Variants in MDGA2 observed in about 807,000 individuals in gnomAD.
The protein encoded by MDGA2 is MAM domain-containing glycosylphosphatidylinositol anchor protein 2.
Under a neutral mutation model 117.8 loss-of-function variants are expected in MDGA2, and 40 were observed. The ratio of observed to expected loss-of-function variants is 0.34; its 90% CI spans 0.26 to 0.44. The LOEUF (loss-of-function observed/expected upper bound fraction) is 0.44. MDGA2 is among the 20% of genes least tolerant of loss of function. MDGA2 has a pLI of 1.00. For missense variants in MDGA2, 1,123 were observed against 1,250.6 expected (o/e 0.90, Z 1.54); for synonymous variants, 452 against 439.0 (o/e 1.03, Z -0.37).
chr14:47,473,472 A>T (rs1297726654), intron 1 of MDGA2, among the ~76,000 whole-genome samples: 1 of 152,178 alleles, frequency 6.6e-6, no homozygotes, highest in Non-Finnish European at 1.5e-5. Context: ...TTAAAATGAA[A>T]TTTTTTAAAA....
At chr14:46,959,913 CTTT>C (rs1015216273) in intron 8 of MDGA2, among the ~76,000 whole-genome samples, 2 of 152,050 alleles carry the variant, frequency 1.3e-5, no homozygotes, top group Non-Finnish European at 2.9e-5. Context: ...TTTCAATCCT[CTTT>C]TTTTAATAAA....
intron 1 of MDGA2, among the ~76,000 whole-genome samples, chr14:47,624,567 A>G (rs991347721): frequency 6.6e-6 from 1 of 152,242 alleles, no homozygotes. Context: ...AAATAGAGCC[A>G]AAGGGTTGGT....
intron 1 of MDGA2, among the ~76,000 whole-genome samples, chr14:47,363,183 C>T (rs1891160242): frequency 6.6e-6 from 1 of 151,964 alleles, no homozygotes; most frequent in South Asian, 2.1e-4. Context: ...TATTAGACTT[C>T]CTAACTTATT....
intron 1 of MDGA2, among the ~76,000 whole-genome samples, chr14:47,590,246 G>A (rs893882779): frequency 6.6e-6 from 1 of 151,816 alleles, no homozygotes; most frequent in African/African-American, 2.4e-5. Context: ...AGAAGTAGTA[G>A]GAGCAGATAC....
At chr14:47,334,322 A>C (rs1890379002) in intron 1 of MDGA2, among the ~76,000 whole-genome samples, 1 of 151,900 alleles carries the variant, frequency 6.6e-6, no homozygotes. Context: ...TTTTCGTAGG[A>C]AATCTGCATT....
At chr14:47,445,514 AAG>A (rs1254601390) in intron 1 of MDGA2, among the ~76,000 whole-genome samples, 3 of 152,140 alleles carry the variant, frequency 2.0e-5, no homozygotes, top group Non-Finnish European at 4.4e-5. Flanking sequence ...AAATTGTAAC[AAG>A]AGAGTTTTAT....
intron 2 of MDGA2, among the ~76,000 whole-genome samples, chr14:47,221,794 A>G (rs1345855233): frequency 6.6e-6 from 1 of 151,772 alleles, no homozygotes; most frequent in Non-Finnish European, 1.5e-5. Flanking sequence ...ATAATTTAAA[A>G]TAAATATACA....
intron 1 of MDGA2, among the ~76,000 whole-genome samples, chr14:47,576,924 A>AT (rs1351565138): frequency 4.6e-5 from 7 of 151,842 alleles, no homozygotes; most frequent in African/African-American, 1.2e-4. Flanking sequence ...AATTTTGTTT[A>AT]TTTTTTTATA....
At chr14:47,377,671 A>G (rs1022156139) in intron 1 of MDGA2, among the ~76,000 whole-genome samples, 9 of 152,232 alleles carry the variant, frequency 5.9e-5, no homozygotes, top group African/African-American at 1.9e-4. Flanking sequence ...GGAGAGGGGC[A>G]TCTGTCATTG....
intron 8 of MDGA2, among the ~76,000 whole-genome samples, chr14:46,975,096 T>C (rs1157096439): frequency 6.6e-6 from 1 of 152,054 alleles, no homozygotes; most frequent in Non-Finnish European, 1.5e-5. Flanking sequence ...ATAAAGATGC[T>C]CAACATCACT....
At chr14:47,436,733 T>G (rs1186531487) in intron 1 of MDGA2, among the ~76,000 whole-genome samples, 1 of 152,070 alleles carries the variant, frequency 6.6e-6, no homozygotes, top group Non-Finnish European at 1.5e-5. Flanking sequence ...GTTTATGAAT[T>G]CATGTTGGGC....
intron 2 of MDGA2, among the ~76,000 whole-genome samples, chr14:47,251,938 T>C (rs1032835990): frequency 6.6e-6 from 1 of 151,784 alleles, no homozygotes; most frequent in Non-Finnish European, 1.5e-5. Flanking sequence ...CTTGTATTAT[T>C]ATTATTATTA....
intron 1 of MDGA2, among the ~76,000 whole-genome samples, chr14:47,629,459 G>C (rs1035490096): frequency 1.3e-5 from 2 of 152,182 alleles, no homozygotes; most frequent in African/African-American, 2.4e-5. Context: ...TGGAGGGCAG[G>C]CATGCCCTAT....
chr14:47,271,468 A>G (rs1345384247), intron 2 of MDGA2, among the ~76,000 whole-genome samples: 3 of 152,100 alleles, frequency 2.0e-5, no homozygotes, highest in Non-Finnish European at 4.4e-5. Flanking sequence ...GCAAATATTC[A>G]CTCTGCAGCA....
chr14:47,562,362 A>AGTTT (rs572610024), intron 1 of MDGA2, among the ~76,000 whole-genome samples: 1 of 151,186 alleles, frequency 6.6e-6, no homozygotes, highest in Non-Finnish European at 1.5e-5. Context: ...TTGTCCTGGG[A>AGTTT]GTTTGTTTGT....
chr14:46,914,296 A>C (rs1267151777), intron 10 of MDGA2, among the ~76,000 whole-genome samples: 1 of 152,126 alleles, frequency 6.6e-6, no homozygotes, highest in African/African-American at 2.4e-5. Flanking sequence ...AAGGAGATTA[A>C]ACAATTGCTT....
chr14:47,183,470 G>A (rs1298187921), intron 3 of MDGA2, among the ~76,000 whole-genome samples: 1 of 151,992 alleles, frequency 6.6e-6, no homozygotes, highest in East Asian at 1.9e-4. Context: ...GTTTTAATGA[G>A]GTTGATAAGA....
At chr14:46,934,935 T>C (rs571428931) in intron 9 of MDGA2, among the ~76,000 whole-genome samples, 1 of 152,204 alleles carries the variant, frequency 6.6e-6, no homozygotes, top group Non-Finnish European at 1.5e-5. Flanking sequence ...AGGCTCTGGG[T>C]CAATTTTGCG....
intron 1 of MDGA2, among the ~76,000 whole-genome samples, chr14:47,625,607 A>G (rs986125801): frequency 3.9e-5 from 6 of 152,194 alleles, no homozygotes; most frequent in Non-Finnish European, 2.9e-5. Context: ...CACATGAAAC[A>G]TTTTTAGATT....
Sources: gnomAD v4.1 joint callset for allele counts (sites outside exome capture counted in the v4.1 genomes callset) on GRCh38, gnomAD v4.1.1 for gene constraint, MANE v1.5 for transcripts, NCBI Gene and HGNC (gene_info 2026-07-23, HGNC 2026-07-21) for gene names.